Variants in GALNTL6 observed in about 807,000 individuals in gnomAD.
The protein encoded by GALNTL6 is polypeptide N-acetylgalactosaminyltransferase-like 6.
A neutral mutation model predicts 73.7 loss-of-function variants in GALNTL6; 46 were observed. The ratio of observed to expected loss-of-function variants is 0.62; its 90% CI spans 0.49 to 0.80. GALNTL6 has a LOEUF of 0.80. Among genes scored for constraint, GALNTL6 ranks in the 30% least tolerant of loss-of-function variants. GALNTL6 has a pLI of 0.00. For synonymous variants in GALNTL6, 259 were observed against 263.7 expected (o/e 0.98, Z 0.17); for missense variants, 604 against 755.0 (o/e 0.80, Z 2.34).
intron 2 of GALNTL6, among the ~76,000 whole-genome samples, chr4:172,007,249 A>G (rs921958885): frequency 6.6e-6 from 1 of 152,028 alleles, no homozygotes; most frequent in Non-Finnish European, 1.5e-5. Flanking sequence ...TGTAGACTAT[A>G]TTTTTCTTTG....
chr4:172,871,876 C>G (rs183084889), intron 7 of GALNTL6, among the ~76,000 whole-genome samples: 1 of 151,898 alleles, frequency 6.6e-6, no homozygotes, highest in African/African-American at 2.4e-5. Flanking sequence ...CTCCTCCTCC[C>G]GGGTTCAAGT....
intron 3 of GALNTL6, among the ~76,000 whole-genome samples, chr4:172,253,752 A>G (rs1737961167): frequency 6.6e-6 from 1 of 151,974 alleles, no homozygotes; most frequent in South Asian, 2.1e-4. Context: ...AATATATTTC[A>G]AATATGTCAT....
chr4:172,641,459 C>T (rs1739977747), intron 5 of GALNTL6, among the ~76,000 whole-genome samples: 1 of 152,026 alleles, frequency 6.6e-6, no homozygotes. Context: ...CTGACCTCCT[C>T]CTATCCTAAA....
chr4:172,338,208 C>T (rs1480126115), intron 4 of GALNTL6, among the ~76,000 whole-genome samples: 1 of 152,062 alleles, frequency 6.6e-6, no homozygotes, highest in Non-Finnish European at 1.5e-5. Flanking sequence ...TCAACCTTGT[C>T]TTGAATATCA....
chr4:172,204,875 A>G (rs1736058227), intron 2 of GALNTL6, among the ~76,000 whole-genome samples: 1 of 152,180 alleles, frequency 6.6e-6, no homozygotes, highest in Non-Finnish European at 1.5e-5. Context: ...GACATGAACT[A>G]AACAATGTTT....
chr4:172,640,354 T>C (rs1739915431), intron 5 of GALNTL6, among the ~76,000 whole-genome samples: 1 of 152,160 alleles, frequency 6.6e-6, no homozygotes, highest in African/African-American at 2.4e-5. Flanking sequence ...CAAGCCTTCA[T>C]ATGTTGAAGT....
intron 5 of GALNTL6, among the ~76,000 whole-genome samples, chr4:172,539,907 A>ATATAT (rs1054014774): frequency 1.0e-5 from 1 of 98,326 alleles, no homozygotes. Flanking sequence ...ATATATATAT[A>ATATAT]AAAAATCTCA....
Position 172,012,214 on chromosome 4 carries a change from G to T in GALNTL6, c.138+197496G>T, listed in dbSNP as rs1223426582. On this transcript the variant is annotated intron_variant, in intron 2 of 12. Transcript: ENST00000506823. ...GTCTTCTCCTGCAGGCACAAGATAT[G>T]ATGAAAACACATTGACTTCCACCTA... 2.0e-5 allele frequency among the ~76,000 whole-genome samples: 3 copies of T among 152,020 alleles called. No homozygotes were observed. The East Asian group carries it at 5.8e-4, about 29-fold the overall frequency.
At chr4:172,370,178 G>A (rs1013009252) in intron 5 of GALNTL6, among the ~76,000 whole-genome samples, 1 of 152,168 alleles carries the variant, frequency 6.6e-6, no homozygotes, top group Non-Finnish European at 1.5e-5. Flanking sequence ...GGGCCAGTGG[G>A]TCAATCCTGA....
At chr4:172,577,804 G>A (rs1286239262) in intron 5 of GALNTL6, among the ~76,000 whole-genome samples, 3 of 152,142 alleles carry the variant, frequency 2.0e-5, no homozygotes, top group Non-Finnish European at 4.4e-5. Flanking sequence ...GATGGCCAGC[G>A]ATATATGACA....
At chr4:172,436,114 A>G (rs1283238633) in intron 5 of GALNTL6, among the ~76,000 whole-genome samples, 1 of 152,106 alleles carries the variant, frequency 6.6e-6, no homozygotes, top group Non-Finnish European at 1.5e-5. Flanking sequence ...GTACATGACA[A>G]TCTCTTTCTT....
intron 10 of GALNTL6, among the ~76,000 whole-genome samples, chr4:172,974,983 G>A (rs1158720507): frequency 1.3e-5 from 2 of 152,228 alleles, no homozygotes; most frequent in Non-Finnish European, 2.9e-5. Flanking sequence ...GGCTTGGGGA[G>A]CTCCTATGTC....
intron 5 of GALNTL6, among the ~76,000 whole-genome samples, chr4:172,594,972 C>T (rs79602653): frequency 0.031 from 4,658 of 152,174 alleles, 110 homozygotes; most frequent in South Asian, 0.086. Context: ...AGGGTGGCCC[C>T]GTGGTTGAGT....
chr4:172,062,520 G>A (rs1731242017), intron 2 of GALNTL6, among the ~76,000 whole-genome samples: 2 of 152,152 alleles, frequency 1.3e-5, no homozygotes, highest in African/African-American at 4.8e-5. Flanking sequence ...TTCGTAGAAA[G>A]TCATATCTCT....
chr4:171,911,588 CGT>C, intron 2 of GALNTL6, among the ~76,000 whole-genome samples: 1 of 152,258 alleles, frequency 6.6e-6, no homozygotes, highest in African/African-American at 2.4e-5. Context: ...GTCTGATATA[CGT>C]GTGCTGATTC....
At chr4:172,589,023 T>C (rs1370137273) in intron 5 of GALNTL6, among the ~76,000 whole-genome samples, 1 of 152,248 alleles carries the variant, frequency 6.6e-6, no homozygotes, top group African/African-American at 2.4e-5. Flanking sequence ...CGATTAAATA[T>C]TATATCTAGA....
intron 3 of GALNTL6, among the ~76,000 whole-genome samples, chr4:172,275,074 T>A (rs1005809567): frequency 6.6e-5 from 10 of 152,168 alleles, no homozygotes; most frequent in Admixed American, 5.2e-4. Context: ...CCAGAACAGA[T>A]CTATTAAACT....
chr4:172,048,915 T>G (rs1354006256), intron 2 of GALNTL6, among the ~76,000 whole-genome samples: 4 of 152,070 alleles, frequency 2.6e-5, no homozygotes, highest in Non-Finnish European at 5.9e-5. Context: ...CCCAACATAC[T>G]TTAGTTTGAA....
intron 8 of GALNTL6, among the ~76,000 whole-genome samples, chr4:172,914,333 G>T (rs1207373136): frequency 1.3e-5 from 2 of 152,162 alleles, no homozygotes; most frequent in Non-Finnish European, 2.9e-5. Context: ...GATAGAAATT[G>T]CGTCAACTAA....
Sources: gnomAD v4.1 joint callset for allele counts (sites outside exome capture counted in the v4.1 genomes callset) on GRCh38, gnomAD v4.1.1 for gene constraint, MANE v1.5 for transcripts, NCBI Gene and HGNC (gene_info 2026-07-23, HGNC 2026-07-21) for gene names.